Variants in CSGALNACT1 observed in about 807,000 individuals in gnomAD.
CSGALNACT1 encodes the protein chondroitin sulfate N-acetylgalactosaminyltransferase 1.
Under a neutral mutation model 51.0 loss-of-function variants are expected in CSGALNACT1, and 52 were observed. The observed-to-expected ratio is 1.02, with a 90% CI of 0.82 to 1.29. The LOEUF (loss-of-function observed/expected upper bound fraction) is 1.29, where lower values mean the gene tolerates loss of function less well. CSGALNACT1 is among the 50% of genes most tolerant of loss of function. The pLI, the probability that CSGALNACT1 is intolerant of heterozygous loss-of-function variation, is 0.00. For missense variants in CSGALNACT1, 935 were observed against 679.2 expected (o/e 1.38, Z -4.19); for synonymous variants, 341 against 254.4 (o/e 1.34, Z -3.24).
At chr8:19,472,447 C>G (rs984654540) in intron 4 of CSGALNACT1, among the ~76,000 whole-genome samples, 12 of 152,368 alleles carry the variant, frequency 7.9e-5, no homozygotes, top group Non-Finnish European at 1.8e-4. Context: ...TTCCATCACT[C>G]TGACTCACGT....
At chr8:19,585,857 C>T (rs989781509) in intron 3 of CSGALNACT1, among the ~76,000 whole-genome samples, 1 of 152,184 alleles carries the variant, frequency 6.6e-6, no homozygotes, top group Non-Finnish European at 1.5e-5. Context: ...GCTCAGGAAA[C>T]CCCTTCAACA....
intron 3 of CSGALNACT1, among the ~76,000 whole-genome samples, chr8:19,514,475 C>CTATATATA (rs33928915): frequency 0.035 from 2,716 of 78,286 alleles, 207 homozygotes; most frequent in Middle Eastern, 0.071. Context: ...TGAACAGAGA[C>CTATATATA]TATATATATA....
intron 4 of CSGALNACT1, among the ~76,000 whole-genome samples, chr8:19,477,545 G>T (rs762112359): frequency 6.6e-6 from 1 of 152,052 alleles, no homozygotes; most frequent in Admixed American, 6.6e-5. Flanking sequence ...ATAAAAATGC[G>T]CCTTGGTTAT....
chr8:19,497,965 G>A (rs149133057), intron 4 of CSGALNACT1, among the ~76,000 whole-genome samples: 160 of 152,208 alleles, frequency 1.1e-3, no homozygotes, highest in African/African-American at 3.4e-3. Flanking sequence ...TGTCTTTCCA[G>A]ACCGAACCAA....
At position 19,755,456 on chromosome 8, in the gene CSGALNACT1, C is replaced by CAAAAAAAAAAAAAAAAAAAAAAAAAAA. The variant is rs71205945; in HGVS notation, c.-297+2393_-297+2394insTTTTTTTTTTTTTTTTTTTTTTTTTTT. 9.8e-4 allele frequency among the ~76,000 whole-genome samples: 73 copies of CAAAAAAAAAAAAAAAAAAAAAAAAAAA among 74,522 alleles called. 10 individuals are homozygous for CAAAAAAAAAAAAAAAAAAAAAAAAAAA. Among genetic ancestry groups the CAAAAAAAAAAAAAAAAAAAAAAAAAAA allele is most frequent in the East Asian group, 4.7e-3 (8 of 1,714 alleles). The allele number at this position is 74,522 out of a possible 152,430, so 48.9% of individuals were successfully genotyped here. A position where few individuals can be genotyped will look rare whatever the true frequency, so the allele number is the denominator to read the frequency against. ...GGGGATCCCTAAATGTAAAGAAAGA[C>CAAAAAAAAAAAAAAAAAAAAAAAAAAA]AAAAAAAAAAAAAAAAAAAAAAAAA... On this transcript the variant is annotated intron_variant, in intron 1 of 1. Transcript: ENST00000517494.
chr8:19,641,918 A>T (rs2056785145), intron 1 of CSGALNACT1: 1 of 152,186 alleles, frequency 6.6e-6, no homozygotes, highest in South Asian at 2.1e-4. Flanking sequence ...TTTCTGCCTC[A>T]TCTTCCTCTT....
chr8:19,637,764 C>T (rs2957616), intron 1 of CSGALNACT1, among the ~76,000 whole-genome samples: 42,886 of 151,694 alleles, frequency 0.28, 6,595 homozygotes, highest in African/African-American at 0.38. Context: ...GAGGATCATT[C>T]GTAACTGACA....
At chr8:19,482,899 G>A (rs2071837804) in intron 4 of CSGALNACT1, among the ~76,000 whole-genome samples, 3 of 152,064 alleles carry the variant, frequency 2.0e-5, no homozygotes, top group Non-Finnish European at 2.9e-5. Flanking sequence ...CAACTAAGCT[G>A]ATCATCTCTC....
intron 6 of CSGALNACT1, among the ~76,000 whole-genome samples, chr8:19,430,374 T>C (rs2059472770): frequency 6.6e-6 from 1 of 152,196 alleles, no homozygotes; most frequent in African/African-American, 2.4e-5. Flanking sequence ...AAGTTTTGTA[T>C]ATATAGTGGA....
intron 1 of CSGALNACT1, among the ~76,000 whole-genome samples, chr8:19,690,895 A>G (rs532730636): frequency 1.8e-3 from 276 of 152,316 alleles, no homozygotes; most frequent in African/African-American, 6.2e-3. Flanking sequence ...GTCACTGGCA[A>G]TGACCACAGC....
At chr8:19,472,135 A>C (rs898628223) in intron 4 of CSGALNACT1, among the ~76,000 whole-genome samples, 1 of 152,188 alleles carries the variant, frequency 6.6e-6, no homozygotes, top group African/African-American at 2.4e-5. Flanking sequence ...GTAGAGGCAA[A>C]GATATTAGGG....
chr8:19,537,235 C>T (rs546005563), intron 3 of CSGALNACT1, among the ~76,000 whole-genome samples: 1 of 152,170 alleles, frequency 6.6e-6, no homozygotes, highest in African/African-American at 2.4e-5. Context: ...CTACACTCCC[C>T]CTCCTTCTTT....
chr8:19,661,087 T>C (rs1333761525), intron 1 of CSGALNACT1, among the ~76,000 whole-genome samples: 1 of 152,014 alleles, frequency 6.6e-6, no homozygotes, highest in Non-Finnish European at 1.5e-5. Context: ...TAATTTTTTT[T>C]TTTTTTTTAG....
chr8:19,461,778 CA>C lies in CSGALNACT1; in HGVS notation c.635-3137del, dbSNP rs1390754744. 8.0e-3 allele frequency among the ~76,000 whole-genome samples: 1,006 copies of C among 125,846 alleles called. 121 individuals are homozygous for C. Among genetic ancestry groups the C allele is most frequent in the African/African-American group, 0.026 (955 of 37,336 alleles). The allele number at this position is 125,846 out of a possible 152,430, so 82.6% of individuals were successfully genotyped here. ...CACCATGGAGGGCGTATCTGCACAG[CA>C]GCCACATTCACCATGGAGGGCGTAT... On this transcript the variant is annotated intron_variant, in intron 4 of 9. Transcript: ENST00000454498.
intron 3 of CSGALNACT1, among the ~76,000 whole-genome samples, chr8:19,521,116 T>A (rs937330591): frequency 5.9e-5 from 9 of 152,108 alleles, no homozygotes; most frequent in Admixed American, 5.9e-4. Context: ...GGCAGAAAAT[T>A]GAAACTGATA....
chr8:19,580,680 C>A (rs1397079653), intron 3 of CSGALNACT1, among the ~76,000 whole-genome samples: 2 of 152,028 alleles, frequency 1.3e-5, no homozygotes, highest in East Asian at 3.8e-4. Context: ...ATCAAATGAC[C>A]AAAACCAAGA....
At chr8:19,470,284 G>C (rs1415536195) in intron 4 of CSGALNACT1, among the ~76,000 whole-genome samples, 2 of 152,120 alleles carry the variant, frequency 1.3e-5, no homozygotes, top group African/African-American at 4.8e-5. Context: ...TTAATTTCTT[G>C]GTGAAACAGA....
intron 8 of CSGALNACT1, among the ~76,000 whole-genome samples, chr8:19,411,035 T>C (rs897038150): frequency 4.6e-5 from 7 of 152,196 alleles, no homozygotes; most frequent in Non-Finnish European, 1.0e-4. Context: ...CATTTCTTCT[T>C]ATCCTTCTGC....
chr8:19,613,212 T>G (rs926400508), intron 1 of CSGALNACT1, among the ~76,000 whole-genome samples: 1 of 152,204 alleles, frequency 6.6e-6, no homozygotes, highest in South Asian at 2.1e-4. Flanking sequence ...TTCTATTCTG[T>G]ATTTTACATA....
Sources: allele counts gnomAD v4.1 joint callset (sites outside exome capture counted in the v4.1 genomes callset), GRCh38; gene constraint gnomAD v4.1.1; transcripts MANE v1.5; gene names NCBI Gene and HGNC (gene_info 2026-07-23, HGNC 2026-07-21).